Variants in RPS6KC1 observed in about 807,000 individuals in gnomAD.
The protein encoded by RPS6KC1 is inactive ribosomal protein S6 kinase delta-1.
In RPS6KC1, 54 loss-of-function variants were observed where a neutral mutation model predicts 103.8. That is an observed-to-expected ratio of 0.52 (90% confidence interval 0.42 to 0.65). The LOEUF (loss-of-function observed/expected upper bound fraction) is 0.65, where lower values mean the gene tolerates loss of function less well. Ranked by LOEUF, RPS6KC1 falls within the 30% of genes least tolerant of loss-of-function variation. The probability of loss-of-function intolerance (pLI) is 0.00; values close to 1 mark genes in which losing one functional copy is unlikely to be tolerated. For synonymous variants in RPS6KC1, 439 were observed against 438.7 expected, an observed-to-expected ratio of 1.00 and a Z score of -0.01; for missense variants, 1,151 against 1,253.8, an observed-to-expected ratio of 0.92 and a Z score of 1.24.
At chr1:213,624,953 T>C in the RPS6KC1 span, among the ~76,000 whole-genome samples, 1 of 152,084 alleles carries the variant, frequency 6.6e-6, no homozygotes, top group African/African-American at 2.4e-5. Context: ...TTAAGCATGT[T>C]CCCTCTTAAA....
intron 1 of RPS6KC1, among the ~76,000 whole-genome samples, chr1:213,055,755 T>A (rs1480773692): frequency 7.9e-5 from 12 of 152,248 alleles, no homozygotes; most frequent in Non-Finnish European, 1.6e-4. Flanking sequence ...GGGATTATAT[T>A]GAGAATGTAG....
chr1:213,205,511 ATAATGT>A (rs2093313770), intron 8 of RPS6KC1: 2 of 142,276 alleles, frequency 1.4e-5, no homozygotes, highest in Admixed American at 1.7e-4. Flanking sequence ...GATTATGCAG[ATAATGT>A]TAATAACAAC....
At chr1:213,395,218 T>C in the RPS6KC1 span, among the ~76,000 whole-genome samples, 12 of 152,204 alleles carry the variant, frequency 7.9e-5, no homozygotes, top group Non-Finnish European at 1.6e-4. Flanking sequence ...TGGTGGGTGA[T>C]TTCCTGGTAT....
intron 3 of RPS6KC1, among the ~76,000 whole-genome samples, chr1:213,089,298 C>T (rs1279914174): frequency 6.6e-6 from 1 of 152,074 alleles, no homozygotes; most frequent in Non-Finnish European, 1.5e-5. Context: ...TGGCCTTTGA[C>T]CTTATATTCC....
At chr1:213,176,363 C>A in intron 7 of RPS6KC1, 37 bp from the exon 8 acceptor site, 1 of 1,434,550 alleles carries the variant, frequency 7.0e-7, no homozygotes, top group Non-Finnish European at 9.7e-7. Context: ...TCAAGTACCT[C>A]CCTGATTGAT....
the RPS6KC1 span, among the ~76,000 whole-genome samples, chr1:213,594,492 T>A: frequency 7.2e-5 from 11 of 152,210 alleles, 1 homozygote. Context: ...CCCATTTTAT[T>A]TTTAGAGAGC....
At chr1:213,396,328 G>A in the RPS6KC1 span, among the ~76,000 whole-genome samples, 5 of 152,162 alleles carry the variant, frequency 3.3e-5, no homozygotes, top group South Asian at 2.1e-4. Flanking sequence ...TGAGGGCTCC[G>A]TGAAGGGTGG....
At chr1:213,716,561 A>C in the RPS6KC1 span, among the ~76,000 whole-genome samples, 1 of 152,128 alleles carries the variant, frequency 6.6e-6, no homozygotes, top group Non-Finnish European at 1.5e-5. Context: ...TTTCAGGGGG[A>C]AAAAATCTTG....
chr1:213,631,098 G>A, the RPS6KC1 span, among the ~76,000 whole-genome samples: 48 of 152,210 alleles, frequency 3.2e-4, 1 homozygote, highest in African/African-American at 9.9e-4. Flanking sequence ...GATTTTCCAG[G>A]TGCCATCTGT....
intron 8 of RPS6KC1, among the ~76,000 whole-genome samples, chr1:213,190,733 A>G (rs936714511): frequency 2.6e-5 from 4 of 152,168 alleles, no homozygotes; most frequent in Non-Finnish European, 4.4e-5. Flanking sequence ...GCCCATTCCA[A>G]TGTCCTGGAG....
the RPS6KC1 span, among the ~76,000 whole-genome samples, chr1:213,679,559 C>T: frequency 3.3e-5 from 5 of 152,142 alleles, no homozygotes; most frequent in East Asian, 9.6e-4. Flanking sequence ...GACAGATAGC[C>T]ATAACCTCTA....
chr1:213,470,636 T>TTTTG, the RPS6KC1 span, among the ~76,000 whole-genome samples: 1 of 86,232 alleles, frequency 1.2e-5, no homozygotes, highest in African/African-American at 3.9e-5. Context: ...TTTTTTTTTT[T>TTTTG]AGAGATGGGG....
chr1:213,467,942 T>A, the RPS6KC1 span, among the ~76,000 whole-genome samples: 15 of 152,366 alleles, frequency 9.8e-5, no homozygotes, highest in African/African-American at 3.4e-4. Context: ...TCCATTTCAT[T>A]ATACACCCTT....
chr1:213,148,204 C>T (rs2147854603), intron 6 of RPS6KC1, among the ~76,000 whole-genome samples: 1 of 152,228 alleles, frequency 6.6e-6, no homozygotes, highest in East Asian at 1.9e-4. Flanking sequence ...TGTCTGATTG[C>T]TTCTAGTACT....
chr1:213,148,826 A>AT (rs1415169694), intron 6 of RPS6KC1, among the ~76,000 whole-genome samples: 9 of 151,924 alleles, frequency 5.9e-5, no homozygotes, highest in South Asian at 2.1e-4. Flanking sequence ...TTACTTAGAG[A>AT]TTTTTTACTA....
chr1:213,170,404 G>A (rs2091378685), intron 7 of RPS6KC1, among the ~76,000 whole-genome samples: 1 of 152,168 alleles, frequency 6.6e-6, no homozygotes, highest in South Asian at 2.1e-4. Context: ...AATTCATTAA[G>A]CATCTTTTAA....
At chr1:213,169,384 A>G (rs1016536213) in intron 7 of RPS6KC1, among the ~76,000 whole-genome samples, 1 of 152,208 alleles carries the variant, frequency 6.6e-6, no homozygotes, top group Admixed American at 6.5e-5. Flanking sequence ...CTCTAACATA[A>G]TCTAACATAA....
intron 9 of RPS6KC1, among the ~76,000 whole-genome samples, chr1:213,230,769 A>G (rs1451878579): frequency 6.7e-6 from 1 of 149,570 alleles, no homozygotes; most frequent in Admixed American, 6.7e-5. Flanking sequence ...CAGGAGGCAG[A>G]GATTGCAGTG....
rs868697696 is a variant in RPS6KC1 at position 213,152,085 on chromosome 1, C to T, written c.836-15773C>T. ...CCCCCCACCTCCCTCCCGGACGGGG[C>T]GGCTGGCTGGGCAGAGGGGCTCCTC... is the stretch of plus-strand genomic sequence containing the variant. On this transcript the variant is annotated intron_variant, in intron 6 of 14. Coordinates refer to ENST00000366960, the MANE Select transcript of RPS6KC1 (RefSeq NM_012424.6). 5.7e-3 allele frequency among the ~76,000 whole-genome samples: 784 copies of T among 137,906 alleles called. 12 individuals are homozygous for T. The highest frequency in any genetic ancestry group is 0.021 in the African/African-American group (730 of 35,468). 90.5% of individuals were successfully genotyped at this position (137,906 alleles called of 152,430 possible).
Sources: allele counts gnomAD v4.1 joint callset (sites outside exome capture counted in the v4.1 genomes callset), GRCh38; gene constraint gnomAD v4.1.1; transcripts MANE v1.5; gene names NCBI Gene and HGNC (gene_info 2026-07-23, HGNC 2026-07-21).